PCDHGA3: variants seen among roughly 807,000 people sequenced by gnomAD.
The protein encoded by PCDHGA3 is protocadherin gamma-A3.
In PCDHGA3, 40 loss-of-function variants were observed where a neutral mutation model predicts 58.5. That is an observed-to-expected ratio of 0.68 (90% confidence interval 0.53 to 0.89). The LOEUF is 0.89. Ranked by LOEUF, PCDHGA3 falls within the 40% of genes least tolerant of loss-of-function variation. The pLI is 0.00. For synonymous variants in PCDHGA3, 530 were observed against 525.7 expected (o/e 1.01, Z -0.11); for missense variants, 1,223 against 1,195.9 (o/e 1.02, Z -0.33).
At chr5:141,448,069 T>G (rs1184496754) in intron 1 of PCDHGA3, among the ~76,000 whole-genome samples, 1 of 151,202 alleles carries the variant, frequency 6.6e-6, no homozygotes, top group African/African-American at 2.4e-5. Context: ...CTGGGCAACA[T>G]GAACGAAATG....
At chr5:141,362,409 A>C (rs778172417) in intron 1 of PCDHGA3, 1 of 1,614,000 alleles carries the variant, frequency 6.2e-7, no homozygotes, top group Non-Finnish European at 8.5e-7. Flanking sequence ...GTGTTGCCTC[A>C]CAATCAGCCA....
At chr5:141,374,177 C>T in intron 1 of PCDHGA3, 4 of 1,613,578 alleles carry the variant, frequency 2.5e-6, no homozygotes, top group Non-Finnish European at 3.4e-6. Context: ...AGCGCAGATC[C>T]GCTACTCTAT....
chr5:141,501,302 C>T (rs886901737), intron 2 of PCDHGA3, among the ~76,000 whole-genome samples: 14 of 151,156 alleles, frequency 9.3e-5, no homozygotes, highest in African/African-American at 2.9e-4. Flanking sequence ...CACACACACA[C>T]ACACACACAC....
At position 141,487,198 on chromosome 5, in the gene PCDHGA3, T is replaced by A; in HGVS notation, c.2425-7609T>A. The A allele has an allele frequency of 1.2e-6, 2 of 1,613,854 alleles. No individual in the cohort carries two copies. The highest frequency in any genetic ancestry group is 1.7e-6 in the Non-Finnish European group (2 of 1,179,722). ...AAGACACTCATCCAGTTGTCCCAGATCTTCGAGAATCTTCAGCTCCAAGGG... is the reference window on the plus strand; with the variant it reads ...AAGACACTCATCCAGTTGTCCCAGAACTTCGAGAATCTTCAGCTCCAAGGG... On this transcript the variant is annotated intron_variant, in intron 1 of 3. Transcript: ENST00000253812. The surrounding 1 kb of genome is among the most constrained non-coding windows in gnomAD (Gnocchi z 5.0).
intron 1 of PCDHGA3, among the ~76,000 whole-genome samples, chr5:141,347,425 G>A (rs564235867): frequency 2.0e-5 from 3 of 152,120 alleles, no homozygotes; most frequent in Non-Finnish European, 2.9e-5. Flanking sequence ...AAAGTACTGC[G>A]ATTAGAGGCA....
intron 1 of PCDHGA3, chr5:141,408,283 C>A: frequency 6.2e-7 from 1 of 1,612,756 alleles, no homozygotes; most frequent in Non-Finnish European, 8.5e-7. Context: ...TGTTCTACCC[C>A]ACCCTGAGTG....
intron 1 of PCDHGA3, chr5:141,403,656 C>G: frequency 6.2e-7 from 1 of 1,613,894 alleles, no homozygotes. Flanking sequence ...GTGTTGGATA[C>G]AAATGATAAT....
intron 1 of PCDHGA3, chr5:141,378,751 G>C (rs72790019): frequency 1.3e-5 from 2 of 152,014 alleles, no homozygotes; most frequent in African/African-American, 4.8e-5. Context: ...AAGAAAAAAG[G>C]GATTATCATT....
At chr5:141,475,500 T>C (rs1393586791) in intron 1 of PCDHGA3, among the ~76,000 whole-genome samples, 1 of 152,248 alleles carries the variant, frequency 6.6e-6, no homozygotes, top group East Asian at 1.9e-4. Flanking sequence ...ACTGAAATTA[T>C]TAATGTCTCC....
chr5:141,356,740 C>A, intron 1 of PCDHGA3: 2 of 1,614,016 alleles, frequency 1.2e-6, no homozygotes, highest in Non-Finnish European at 1.7e-6. Flanking sequence ...TACAGGGATC[C>A]TATATGCTCT....
chr5:141,379,052 T>A (rs1247302234), intron 1 of PCDHGA3: 1 of 152,238 alleles, frequency 6.6e-6, no homozygotes. Flanking sequence ...TATTATAGAA[T>A]GGATTGGCCA....
At chr5:141,499,686 T>C (rs1400567357) in intron 2 of PCDHGA3, among the ~76,000 whole-genome samples, 2 of 149,346 alleles carry the variant, frequency 1.3e-5, no homozygotes, top group East Asian at 2.0e-4. Context: ...CTTTAACAGA[T>C]GACTTTTTTT....
At chr5:141,419,904 C>G (rs2096446397) in intron 1 of PCDHGA3, 2 of 1,614,108 alleles carry the variant, frequency 1.2e-6, no homozygotes, top group Non-Finnish European at 1.7e-6. Flanking sequence ...CCCACACCCT[C>G]TGACTCCCAG....
chr5:141,352,336 G>C (rs760345760), intron 1 of PCDHGA3: 2 of 1,613,924 alleles, frequency 1.2e-6, no homozygotes, highest in African/African-American at 2.7e-5. Context: ...TTGTGGCCTT[G>C]GCCTTGATCT....
intron 1 of PCDHGA3, among the ~76,000 whole-genome samples, chr5:141,464,723 T>A (rs1166321691): frequency 6.6e-6 from 1 of 152,156 alleles, no homozygotes; most frequent in Non-Finnish European, 1.5e-5. Flanking sequence ...TTTCATATGT[T>A]TAAAAGCCAG....
chr5:141,387,995 T>TCC (rs2091190111), intron 1 of PCDHGA3: 1 of 1,490,632 alleles, frequency 6.7e-7, no homozygotes, highest in Admixed American at 2.1e-5. Flanking sequence ...GCTACAGGAT[T>TCC]CCCGAGGAAA....
chr5:141,353,135 T>C (rs533447230), intron 1 of PCDHGA3, among the ~76,000 whole-genome samples: 2 of 152,300 alleles, frequency 1.3e-5, no homozygotes, highest in South Asian at 2.1e-4. Context: ...TGCTCAGTAG[T>C]CTTGGCAATT....
At chr5:141,478,452 C>T (rs763187393) in intron 1 of PCDHGA3, 1 of 1,613,598 alleles carries the variant, frequency 6.2e-7, no homozygotes, top group Admixed American at 1.7e-5. Context: ...CCTGGTGCAG[C>T]CAGTCCACTG....
At chr5:141,351,438 C>A in intron 1 of PCDHGA3, 4 of 1,612,402 alleles carry the variant, frequency 2.5e-6, no homozygotes, top group Non-Finnish European at 3.4e-6. Context: ...TTAGAATCCA[C>A]CTCGAAGAAT....
Sources: gnomAD v4.1 joint callset for allele counts (sites outside exome capture counted in the v4.1 genomes callset) on GRCh38, gnomAD v4.1.1 for gene constraint, Gnocchi (gnomAD v3.1) non-coding constraint, MANE v1.5 for transcripts, NCBI Gene and HGNC (gene_info 2026-07-23, HGNC 2026-07-21) for gene names.